The following TNS3 variants were observed in gnomAD, a reference collection of about 807,000 sequenced individuals.
The protein encoded by TNS3 is tensin 3.
Under a neutral mutation model 140.9 loss-of-function variants are expected in TNS3, and 45 were observed. That is an observed-to-expected ratio of 0.32 (90% CI 0.25 to 0.41). TNS3 has a LOEUF of 0.41. Ranked by LOEUF, TNS3 falls within the 10% of genes least tolerant of loss-of-function variation. The pLI, the probability that TNS3 is intolerant of heterozygous loss-of-function variation, is 1.00. For missense variants in TNS3, 1,716 were observed against 1,906.7 expected (o/e 0.90, Z 1.86); for synonymous variants, 815 against 788.4 (o/e 1.03, Z -0.56).
chr7:47,523,731 A>G (rs1425834838), intron 2 of TNS3, among the ~76,000 whole-genome samples: 2 of 152,186 alleles, frequency 1.3e-5, no homozygotes, highest in East Asian at 3.9e-4. Context: ...ACCTCCTGCC[A>G]TGAACTCAAC....
At position 47,285,929 on chromosome 7, in the gene TNS3, A is replaced by C. The variant is rs936423173; in HGVS notation, c.3929-2064T>G. Among the ~76,000 whole-genome samples the C allele has an allele frequency of 5.9e-5, 9 of 152,242 alleles. 1 individual carries two copies. In the South Asian group the frequency reaches 1.0e-3, roughly 17 times the overall value. The stretch of plus-strand genomic sequence containing the variant: ...TGGAAAGACGTCATCAGCAATCAGC[A>C]GGGAAAGCAGAATAAAAACCACGTC... On this transcript the variant is annotated intron_variant, in intron 27 of 30. Coordinates refer to ENST00000311160, the MANE Select transcript of TNS3 (RefSeq NM_022748.12).
chr7:47,539,056 G>A (rs1489346990), intron 1 of TNS3: 1 of 456,660 alleles, frequency 2.2e-6, no homozygotes, highest in African/African-American at 2.0e-5. Context: ...AGGTCAGCTG[G>A]ATCTACCACC....
At chr7:47,318,174 C>A (rs552014697) in intron 20 of TNS3, among the ~76,000 whole-genome samples, 5 of 152,196 alleles carry the variant, frequency 3.3e-5, no homozygotes, top group Admixed American at 6.5e-5. Flanking sequence ...TAAGTGGAAT[C>A]ATACAGAATT....
intron 20 of TNS3, among the ~76,000 whole-genome samples, chr7:47,323,402 G>T (rs1183963660): frequency 6.6e-6 from 1 of 151,936 alleles, no homozygotes; most frequent in Non-Finnish European, 1.5e-5. Context: ...GAAAAATAAA[G>T]AAATCCAGAG....
chr7:47,439,836 G>A (rs1353173585), intron 5 of TNS3, among the ~76,000 whole-genome samples, 178 bp from the exon 6 acceptor site: 3 of 152,162 alleles, frequency 2.0e-5, no homozygotes, highest in African/African-American at 7.2e-5. Context: ...CCATAACAGC[G>A]GGCAGTGTGG....
At chr7:47,395,597 G>C (rs1453043728) in intron 16 of TNS3, among the ~76,000 whole-genome samples, 2 of 152,202 alleles carry the variant, frequency 1.3e-5, no homozygotes, top group African/African-American at 4.8e-5. Context: ...GTATCATTTT[G>C]CAAGAGTTTT....
chr7:47,280,051 C>A (rs962062513), intron 30 of TNS3, 113 bp downstream of exon 30: 11 of 1,241,636 alleles, frequency 8.9e-6, no homozygotes, highest in Admixed American at 8.6e-5. Context: ...AAGAAATTGG[C>A]ATGGTGTAGT....
At chr7:47,535,293 C>CACTG (rs1460941210) in intron 1 of TNS3, among the ~76,000 whole-genome samples, 19 of 152,228 alleles carry the variant, frequency 1.2e-4, no homozygotes, top group Admixed American at 1.2e-3. Flanking sequence ...GAGAAAGAGG[C>CACTG]ACTGTTTTCC....
At chr7:47,442,986 T>C (rs1216558450) in intron 4 of TNS3, among the ~76,000 whole-genome samples, 1 of 152,172 alleles carries the variant, frequency 6.6e-6, no homozygotes, top group Non-Finnish European at 1.5e-5. Context: ...AGACCAACAA[T>C]ACAGATGTTT....
At chr7:47,480,958 G>T in intron 4 of TNS3, 145 bp downstream of exon 4, 2 of 467,494 alleles carry the variant, frequency 4.3e-6, no homozygotes, top group Non-Finnish European at 7.3e-6. Context: ...CTCAGATAGA[G>T]CCTTGTGAAT....
At position 47,496,952 on chromosome 7, in the gene TNS3, A is replaced by G. The variant is rs545294185; in HGVS notation, c.-115+9955T>C. ...GGGGAAAGGTCACAGAGCTGGCCAG[A>G]ACCAAGGCAGCATCGAGCAAGAGGC... On this transcript the variant is annotated intron_variant, in intron 3 of 30. Transcript: ENST00000311160. 4.6e-5 allele frequency among the ~76,000 whole-genome samples: 7 copies of G among 152,292 alleles called. No individual in the cohort carries two copies. In the South Asian group the frequency reaches 1.5e-3, roughly 32 times the overall value.
chr7:47,501,511 T>C (rs1798225989), intron 3 of TNS3, among the ~76,000 whole-genome samples: 1 of 152,072 alleles, frequency 6.6e-6, no homozygotes, highest in Non-Finnish European at 1.5e-5. Context: ...CGGAGCTGGC[T>C]GGTGGGATGC....
chr7:47,428,265 C>T, intron 9 of TNS3, 47 bp downstream of exon 9: 4 of 1,337,916 alleles, frequency 3.0e-6, no homozygotes, highest in Non-Finnish European at 2.0e-6. Context: ...CCCATGCAGG[C>T]CCAGCTTTTA....
chr7:47,301,283 G>A (rs772823345), intron 23 of TNS3, among the ~76,000 whole-genome samples: 8 of 152,116 alleles, frequency 5.3e-5, no homozygotes, highest in Non-Finnish European at 7.4e-5. Context: ...TCCTGACTCC[G>A]TCTTCCAGGC....
intron 4 of TNS3, among the ~76,000 whole-genome samples, chr7:47,451,069 G>A (rs1462536066): frequency 1.3e-5 from 2 of 152,240 alleles, no homozygotes; most frequent in Non-Finnish European, 2.9e-5. Context: ...AGGAGGTGGA[G>A]GTTGCAGTGA....
intron 20 of TNS3, among the ~76,000 whole-genome samples, chr7:47,314,654 T>C (rs1037034204): frequency 2.0e-5 from 3 of 152,292 alleles, no homozygotes; most frequent in Admixed American, 2.0e-4. Flanking sequence ...TTTTTAGCAA[T>C]GTTAAAAATG....
chr7:47,424,178 G>C lies in TNS3; in HGVS notation c.396C>G (p.Asp132Glu). The stretch of plus-strand genomic sequence containing the variant: ...TCATTGCAAACCTGTCAAGGGCCTG[G>C]TCGGCGCTGAAGGGGAGAGAGAGAG... ...MHFTNVSASA[D>E]QALDRFAMKK... The change falls in exon 10 of 31, where the codon GAC becomes GAG. Residue 132 changes from aspartate to glutamate, a missense_variant. This residue lies in a region of TNS3 where 337 missense variants were observed against 428.9 expected (regional missense o/e 0.79). Coordinates refer to ENST00000311160, the MANE Select transcript of TNS3 (RefSeq NM_022748.12). 1.2e-6 allele frequency: 2 copies of C among 1,614,098 alleles called. No homozygotes were observed. Among genetic ancestry groups the C allele is most frequent in the Non-Finnish European group, 1.7e-6 (2 of 1,180,020 alleles).
chr7:47,520,434 T>C (rs979986556), intron 2 of TNS3, among the ~76,000 whole-genome samples: 1 of 152,136 alleles, frequency 6.6e-6, no homozygotes, highest in Non-Finnish European at 1.5e-5. Context: ...GTTTTAAAAA[T>C]CAAAATCCAC....
chr7:47,413,856 G>A, intron 12 of TNS3, 81 bp downstream of exon 12: 1 of 1,549,570 alleles, frequency 6.5e-7, no homozygotes, highest in Non-Finnish European at 8.8e-7. Context: ...TCTTCCTGCG[G>A]GACAGGCAGC....
Sources: allele counts gnomAD v4.1 joint callset (sites outside exome capture counted in the v4.1 genomes callset), GRCh38; gene constraint gnomAD v4.1.1; regional missense constraint gnomAD v4.1.1; transcripts MANE v1.5; gene names NCBI Gene and HGNC (gene_info 2026-07-23, HGNC 2026-07-21).